C3orf70: variants seen among roughly 807,000 people sequenced by gnomAD.
C3orf70 encodes the protein UPF0524 protein C3orf70.
Under a neutral mutation model 20.7 loss-of-function variants are expected in C3orf70, and 15 were observed. The observed-to-expected ratio is 0.72, with a 90% CI of 0.48 to 1.11. C3orf70 has a LOEUF of 1.11. Ranked by LOEUF, C3orf70 falls within the 50% of genes most tolerant of loss-of-function variation. The pLI is 0.00. For synonymous variants in C3orf70, 161 were observed against 125.7 expected, an observed-to-expected ratio of 1.28 and a Z score of -1.88; for missense variants, 332 against 317.6, an observed-to-expected ratio of 1.05 and a Z score of -0.34.
rs1390689812 is a variant in C3orf70 at position 185,089,367 on chromosome 3, G to A, written c.197-5804C>T. ...ACTTATATTGTTCCAGATTTAGCTC[G>A]GGACCTGTGTCCTTTCAACTATTCC... On this transcript the variant is annotated intron_variant, in intron 1 of 1. Coordinates refer to ENST00000335012, the MANE Select transcript of C3orf70 (RefSeq NM_001025266.3). Among the ~76,000 whole-genome samples, 6 of 151,946 alleles carry A rather than the reference G, an allele frequency of 3.9e-5. No individual in the cohort carries two copies. In the East Asian group the frequency reaches 9.6e-4, roughly 24 times the overall value.
At chr3:185,106,015 A>G (rs1446938078) in intron 1 of C3orf70, among the ~76,000 whole-genome samples, 2 of 152,178 alleles carry the variant, frequency 1.3e-5, no homozygotes, top group African/African-American at 4.8e-5. Context: ...GTTCATCCCT[A>G]TCCTTCTGCA....
Position 185,100,233 on chromosome 3 carries a change from A to T in C3orf70, c.197-16670T>A, listed in dbSNP as rs74335335. On this transcript the variant is annotated intron_variant, in intron 1 of 1. Transcript: ENST00000335012. ...ATCTACATTACCTCTCCACCCCAAAACAGAATATACAGTTTTCTCATTGCC... is the reference window on the plus strand; with the variant it reads ...ATCTACATTACCTCTCCACCCCAAATCAGAATATACAGTTTTCTCATTGCC... Among the ~76,000 whole-genome samples the T allele has an allele frequency of 4.7e-3, 712 of 152,264 alleles. 6 individuals are homozygous for T. Among genetic ancestry groups the T allele is most frequent in the African/African-American group, 0.016 (674 of 41,552 alleles).
chr3:185,152,640 C>A lies in C3orf70; in HGVS notation c.184G>T (p.Gly62Ter). The change falls in exon 1 of 2, where the codon GGA becomes TGA. Residue 62 changes from glycine (G) to a stop codon, truncating the protein, a stop_gained. Transcript: ENST00000335012. LOFTEE classifies it high-confidence loss of function. ...CGGCTCGACTTACAGTGACACCATC[C>A]TAGGTGACAGCACCAGTGCAGCTTG... ...CFKLHWCCHL[G>*]WCHCKYMYQP... 1 of 1,579,736 alleles carries A rather than the reference C, an allele frequency of 6.3e-7. No homozygotes were observed. The highest frequency in any genetic ancestry group is 2.4e-5 in the East Asian group (1 of 41,014).
At chr3:185,124,679 GTTAAA>G (rs1313770025) in intron 1 of C3orf70, among the ~76,000 whole-genome samples, 3 of 152,008 alleles carry the variant, frequency 2.0e-5, no homozygotes, top group Non-Finnish European at 4.4e-5. Context: ...AAAAAAAAAT[GTTAAA>G]TTGAGCATCA....
At chr3:185,091,424 A>T (rs971356272) in intron 1 of C3orf70, among the ~76,000 whole-genome samples, 3 of 152,178 alleles carry the variant, frequency 2.0e-5, no homozygotes, top group African/African-American at 4.8e-5. Flanking sequence ...GAATGGCTAC[A>T]GATTACTGAG....
intron 1 of C3orf70, among the ~76,000 whole-genome samples, chr3:185,140,369 A>T: frequency 6.6e-6 from 1 of 152,226 alleles, no homozygotes; most frequent in East Asian, 1.9e-4. Flanking sequence ...CTCAAAACTC[A>T]GTTTAAAAAA....
chr3:185,101,736 T>C (rs912191362), intron 1 of C3orf70, among the ~76,000 whole-genome samples: 10 of 152,200 alleles, frequency 6.6e-5, no homozygotes, highest in African/African-American at 2.2e-4. Context: ...GCTAAACCAT[T>C]AGAAACCAGC....
chr3:185,078,739 C>T lies in C3orf70; in HGVS notation c.*4268G>A, dbSNP rs190194281. ...CTTTGTTTTCCTCATGTAAAAAAGC[C>T]AGAACGTGACCATAAAATTTTGCAA... On this transcript the variant is annotated 3_prime_UTR_variant, in exon 2 of 2. Transcript: ENST00000335012. 1 of 152,264 alleles carries T rather than the reference C, an allele frequency of 6.6e-6. No homozygotes were observed. The highest frequency in any genetic ancestry group is 1.5e-5 in the Non-Finnish European group (1 of 68,014). The allele number at this position is 152,264 out of a possible 1,614,324, so 9.4% of individuals were successfully genotyped here.
chr3:185,118,441 C>T (rs887774223), intron 1 of C3orf70, among the ~76,000 whole-genome samples: 1 of 152,170 alleles, frequency 6.6e-6, no homozygotes, highest in Non-Finnish European at 1.5e-5. Flanking sequence ...CTATGGGCTC[C>T]TTAATGACAA....
chr3:185,108,238 T>C (rs1715989399), intron 1 of C3orf70, among the ~76,000 whole-genome samples: 1 of 152,226 alleles, frequency 6.6e-6, no homozygotes, highest in African/African-American at 2.4e-5. Context: ...ATGTTACAGA[T>C]AGGTCTAGCA....
intron 1 of C3orf70, among the ~76,000 whole-genome samples, chr3:185,097,135 ATGACCAAGGTATGGGATT>A (rs1173302746): frequency 7.9e-5 from 12 of 152,260 alleles, no homozygotes; most frequent in Admixed American, 2.6e-4. Flanking sequence ...AATTGATTCA[ATGACCAAGGTATGGGATT>A]TCTTACAGTA....
rs1262049199 is a variant in C3orf70 at position 185,077,344 on chromosome 3, G to T, written c.*5663C>A. 1.3e-5 allele frequency among the ~76,000 whole-genome samples: 2 copies of T among 152,122 alleles called. No homozygotes were observed. Among genetic ancestry groups the T allele is most frequent in the East Asian group, 3.9e-4 (2 of 5,190 alleles). ...AAGTGACCGGGTTCAAACCCTGACTGCCACTCATGTACGAGCTGTGCCACA... is the reference window on the plus strand; with the variant it reads ...AAGTGACCGGGTTCAAACCCTGACTTCCACTCATGTACGAGCTGTGCCACA... On this transcript the variant is annotated 3_prime_UTR_variant, in exon 2 of 2. Coordinates refer to ENST00000335012, the MANE Select transcript of C3orf70 (RefSeq NM_001025266.3).
chr3:185,102,818 T>C (rs541009088), intron 1 of C3orf70, among the ~76,000 whole-genome samples: 18 of 152,368 alleles, frequency 1.2e-4, no homozygotes, highest in African/African-American at 4.3e-4. Flanking sequence ...GGAATCCTTA[T>C]TCAATAAATG....
At chr3:185,122,365 G>A (rs1409456301) in intron 1 of C3orf70, among the ~76,000 whole-genome samples, 1 of 152,114 alleles carries the variant, frequency 6.6e-6, no homozygotes, top group Non-Finnish European at 1.5e-5. Flanking sequence ...GGATTCAACT[G>A]GGTTTGGATC....
rs575306186 is a variant in C3orf70 at position 185,128,934 on chromosome 3, ATC to A, written c.196+23692_196+23693del. 6.6e-5 allele frequency among the ~76,000 whole-genome samples: 10 copies of A among 152,348 alleles called. No homozygotes were observed. The East Asian group carries it at 1.7e-3, about 26-fold the overall frequency. Reference sequence around the variant, plus strand: ...GTATGGATTTAATCAAGTGATTAATATCTGAGTTTAATCATTAATAACAAATA... The same window carrying A: ...GTATGGATTTAATCAAGTGATTAATATGAGTTTAATCATTAATAACAAATA... On this transcript the variant is annotated intron_variant, in intron 1 of 1. Coordinates refer to ENST00000335012, the MANE Select transcript of C3orf70 (RefSeq NM_001025266.3).
rs1418211824 is a variant in C3orf70 at position 185,080,758 on chromosome 3, T to A, written c.*2249A>T. The A allele has an allele frequency of 1.3e-5, 2 of 152,042 alleles. No homozygotes were observed. Among genetic ancestry groups the A allele is most frequent in the East Asian group, 3.9e-4 (2 of 5,154 alleles). The allele number at this position is 152,042 out of a possible 1,614,324, so 9.4% of individuals were successfully genotyped here. A position where few individuals can be genotyped will look rare whatever the true frequency, so the allele number is the denominator to read the frequency against. ...GTTCATCAGATGTCCCTGTGCCACC[T>A]GAGCCATGCCCTGGCAGGGGGAAGC... On this transcript the variant is annotated 3_prime_UTR_variant, in exon 2 of 2. Coordinates refer to ENST00000335012, the MANE Select transcript of C3orf70 (RefSeq NM_001025266.3).
chr3:185,126,709 C>A (rs1372612193), intron 1 of C3orf70, among the ~76,000 whole-genome samples: 1 of 152,114 alleles, frequency 6.6e-6, no homozygotes, highest in Non-Finnish European at 1.5e-5. Context: ...AAAAATAGGA[C>A]TGACTCCATT....
intron 1 of C3orf70, among the ~76,000 whole-genome samples, chr3:185,119,715 T>A (rs1039938832): frequency 2.0e-5 from 3 of 150,632 alleles, no homozygotes; most frequent in Non-Finnish European, 3.0e-5. Context: ...TCTTAGGGAA[T>A]TTGGGGTGCT....
rs1561375103 is a variant in C3orf70, at chr3:185,152,616, GGCTCGACTTACA to G, written c.196_196+11del. The G allele has an allele frequency of 6.5e-7, 1 of 1,543,920 alleles. No individual in the cohort carries two copies. The highest frequency in any genetic ancestry group is 8.7e-7 in the Non-Finnish European group (1 of 1,145,542). ...ACCGCGGCGGAAGGCGGGAAGACGC[GGCTCGACTTACA>G]GTGACACCATCCTAGGTGACAGCAC... On this transcript the variant is annotated splice_donor_variant and splice_donor_5th_base_variant and coding_sequence_variant and intron_variant, in exon 1 of 2. Transcript: ENST00000335012. LOFTEE classifies it high-confidence loss of function.
Sources: gnomAD v4.1 joint callset for allele counts (sites outside exome capture counted in the v4.1 genomes callset) on GRCh38, gnomAD v4.1.1 for gene constraint, MANE v1.5 for transcripts, NCBI Gene and HGNC (gene_info 2026-07-23, HGNC 2026-07-21) for gene names.